C12orf54: variants seen among roughly 807,000 people sequenced by gnomAD.
The protein encoded by C12orf54 is chromosome 12 open reading frame 54.
C12orf54 carries 24 observed loss-of-function variants against 26.4 expected under a neutral mutation model. The observed-to-expected ratio is 0.91, with a 90% CI of 0.66 to 1.28. The LOEUF (loss-of-function observed/expected upper bound fraction) is 1.28. Among genes scored for constraint, C12orf54 ranks in the 50% most tolerant of loss-of-function variants. C12orf54 has a pLI of 0.00. For missense variants in C12orf54, 154 were observed against 150.9 expected (o/e 1.02, Z -0.11); for synonymous variants, 54 against 47.0 (o/e 1.15, Z -0.61).
At position 48,486,030 on chromosome 12, in the gene C12orf54, A is replaced by G. The variant is rs188260377; in HGVS notation, c.66-148A>G. On this transcript the variant is annotated intron_variant, in intron 2 of 8. Transcript: ENST00000548364. ...CTCCCCACACCTCCCATAAAGGGATATGAGAGGCAGGACCGTGGCTACCCT... is the reference window on the plus strand; with the variant it reads ...CTCCCCACACCTCCCATAAAGGGATGTGAGAGGCAGGACCGTGGCTACCCT... The G allele has an allele frequency of 3.2e-4, 220 of 677,748 alleles. No individual in the cohort carries two copies. In the African/African-American group the frequency reaches 3.6e-3, roughly 11 times the overall value. 42.0% of individuals were successfully genotyped at this position (677,748 alleles called of 1,614,324 possible).
intron 3 of C12orf54, 122 bp downstream of exon 3, chr12:48,486,330 C>A: frequency 1.0e-6 from 1 of 1,001,560 alleles, no homozygotes. Context: ...GACAGGGTGC[C>A]CTTGACTGGC....
the C12orf54 span, among the ~76,000 whole-genome samples, chr12:48,422,022 G>A: frequency 7.9e-5 from 12 of 152,034 alleles, no homozygotes; most frequent in Non-Finnish European, 1.2e-4. Context: ...TTTGTAATGC[G>A]GATGGTGTAT....
upstream of C12orf54, among the ~76,000 whole-genome samples, chr12:48,478,841 G>A (rs867163735): frequency 5.9e-5 from 9 of 152,154 alleles, no homozygotes; most frequent in South Asian, 2.1e-4. Context: ...AGTTAGAATG[G>A]CAATCATTAA....
At chr12:48,468,619 T>C in the C12orf54 span, among the ~76,000 whole-genome samples, 8 of 152,302 alleles carry the variant, frequency 5.3e-5, no homozygotes, top group African/African-American at 7.2e-5. Context: ...TATGGTTATA[T>C]TAATATCAGA....
At chr12:48,433,712 A>G in the C12orf54 span, among the ~76,000 whole-genome samples, 1,612 of 152,248 alleles carry the variant, frequency 0.011, 10 homozygotes, top group Non-Finnish European at 0.016. Context: ...CTCCCAAAGT[A>G]CTGGAATTAC....
the C12orf54 span, among the ~76,000 whole-genome samples, chr12:48,420,870 A>ATATGGCAC: frequency 6.6e-6 from 1 of 152,144 alleles, no homozygotes; most frequent in Non-Finnish European, 1.5e-5. Context: ...GTCTGGTGCC[A>ATATGGCAC]CATTTGCTTG....
At chr12:48,416,895 C>T in the C12orf54 span, among the ~76,000 whole-genome samples, 1 of 151,918 alleles carries the variant, frequency 6.6e-6, no homozygotes, top group Admixed American at 6.6e-5. Context: ...TAGGCTCTAC[C>T]CTCATGAATA....
At chr12:48,446,164 C>T in the C12orf54 span, among the ~76,000 whole-genome samples, 29 of 152,218 alleles carry the variant, frequency 1.9e-4, no homozygotes, top group East Asian at 3.1e-3. Flanking sequence ...AATTCACAGG[C>T]GAGAAAATGT....
chr12:48,475,824 A>C, the C12orf54 span, among the ~76,000 whole-genome samples: 2 of 152,238 alleles, frequency 1.3e-5, no homozygotes, highest in African/African-American at 4.8e-5. Flanking sequence ...AACACTCTGC[A>C]GGATATTATC....
chr12:48,434,963 G>A, the C12orf54 span, among the ~76,000 whole-genome samples: 1 of 152,124 alleles, frequency 6.6e-6, no homozygotes, highest in East Asian at 1.9e-4. Context: ...AAACTACTCT[G>A]AGCTAAAAGA....
At chr12:48,416,460 T>C in the C12orf54 span, among the ~76,000 whole-genome samples, 1 of 146,172 alleles carries the variant, frequency 6.8e-6, no homozygotes, top group Non-Finnish European at 1.5e-5. Context: ...TGGGCTTCTT[T>C]GGTCAGTCAA....
the C12orf54 span, among the ~76,000 whole-genome samples, chr12:48,431,985 A>G: frequency 6.6e-6 from 1 of 152,228 alleles, no homozygotes; most frequent in Admixed American, 6.5e-5. Context: ...TAATCTCAAT[A>G]AAGTTCTTAA....
At chr12:48,439,935 A>G in the C12orf54 span, among the ~76,000 whole-genome samples, 1 of 152,098 alleles carries the variant, frequency 6.6e-6, no homozygotes, top group South Asian at 2.1e-4. Flanking sequence ...AGAAATAAAA[A>G]TATTCTTGGC....
At chr12:48,457,801 G>A in the C12orf54 span, among the ~76,000 whole-genome samples, 445 of 152,248 alleles carry the variant, frequency 2.9e-3, 1 homozygote, top group Admixed American at 4.8e-3. Context: ...CACTGAAATT[G>A]TGTCCTGCGG....
At chr12:48,457,721 G>A in the C12orf54 span, among the ~76,000 whole-genome samples, 1 of 152,176 alleles carries the variant, frequency 6.6e-6, no homozygotes, top group African/African-American at 2.4e-5. Context: ...GAAGCTGTGA[G>A]CCTCTCCAGT....
the C12orf54 span, chr12:48,472,951 G>C: frequency 1.2e-6 from 2 of 1,614,144 alleles, no homozygotes; most frequent in Admixed American, 3.3e-5. Flanking sequence ...CTAAATTTAA[G>C]TGGCAACAAA....
chr12:48,473,851 T>G, the C12orf54 span, among the ~76,000 whole-genome samples: 4 of 152,334 alleles, frequency 2.6e-5, no homozygotes, highest in Non-Finnish European at 5.9e-5. Context: ...TTTGCTTTGA[T>G]TCACATGCTT....
the C12orf54 span, among the ~76,000 whole-genome samples, chr12:48,434,908 A>G: frequency 2.0e-5 from 3 of 152,224 alleles, no homozygotes; most frequent in African/African-American, 7.2e-5. Flanking sequence ...AAAGCTGGAC[A>G]GAGAATGACT....
chr12:48,433,978 G>A, the C12orf54 span, among the ~76,000 whole-genome samples: 24,213 of 152,162 alleles, frequency 0.16, 2,405 homozygotes, highest in Non-Finnish European at 0.22. Flanking sequence ...ACCTCACCCC[G>A]GAAGCATAAG....
Sources: allele counts gnomAD v4.1 joint callset (sites outside exome capture counted in the v4.1 genomes callset), GRCh38; gene constraint gnomAD v4.1.1; transcripts MANE v1.5; gene names NCBI Gene and HGNC (gene_info 2026-07-23, HGNC 2026-07-21).